Variants in GYG2 observed in about 807,000 individuals in gnomAD.
The protein encoded by GYG2 is glycogenin 2.
In GYG2, 29 loss-of-function variants were observed where a neutral mutation model predicts 29.4. That is an observed-to-expected ratio of 0.99 (90% CI 0.74 to 1.35). The LOEUF (loss-of-function observed/expected upper bound fraction) is 1.35, where lower values mean the gene tolerates loss of function less well. Among genes scored for constraint, GYG2 ranks in the 40% most tolerant of loss-of-function variants. GYG2 has a pLI of 0.00. For missense variants in GYG2, 370 were observed against 385.7 expected, an observed-to-expected ratio of 0.96 and a Z score of 0.34; for synonymous variants, 167 against 172.3, an observed-to-expected ratio of 0.97 and a Z score of 0.24.
Position 2,864,194 on chromosome X carries a change from C to T in GYG2, c.1038+2472C>T, listed in dbSNP as rs944962724. On this transcript the variant is annotated intron_variant, in intron 8 of 10. Transcript: ENST00000398806. ...ATTTTGCCAAGGTTAAGGACACACC[C>T]GTGACACAGCCTCAGGAGGTCCTGA... Among the ~76,000 whole-genome samples, 4 of 112,068 alleles carry T rather than the reference C, an allele frequency of 3.6e-5. No individual in the cohort carries two copies. In the East Asian group the frequency reaches 1.1e-3, roughly 31 times the overall value.
chrX:2,866,999 G>A (rs1331297881), intron 8 of GYG2, among the ~76,000 whole-genome samples: 1 of 110,098 alleles, frequency 9.1e-6, no homozygotes. Flanking sequence ...GAGAATCGCC[G>A]GTTTCCAGGG....
At chrX:2,847,676 G>A (rs2087768571) in intron 3 of GYG2, among the ~76,000 whole-genome samples, 1 of 107,650 alleles carries the variant, frequency 9.3e-6, no homozygotes. Context: ...CTGTGCTCCA[G>A]CCTGGGTGAC....
rs776628504 is a variant in GYG2 at position 2,854,068 on chromosome X, C to T, written c.238C>T (p.Pro80Ser). 1.7e-6 allele frequency: 2 copies of T among 1,200,553 alleles called. No individual in the cohort carries two copies. The highest frequency in any genetic ancestry group is 1.1e-6 in the Non-Finnish European group (1 of 886,794). The change falls in exon 4 of 11, where the codon CCT (proline) becomes TCT (serine). Residue 80 changes from proline (P) to serine (S), a missense_variant. Transcript: ENST00000398806. Reference sequence around the variant, plus strand: ...CATCCACCTGGCCTTTCTGAAGAGACCTGAGCTCGGGCTCACCCTCACCAA... The same window carrying T: ...CATCCACCTGGCCTTTCTGAAGAGATCTGAGCTCGGGCTCACCCTCACCAA... Reference protein sequence around the residue: ...DYIHLAFLKRPELGLTLTKLH... With the variant: ...DYIHLAFLKRSELGLTLTKLH...
intron 3 of GYG2, among the ~76,000 whole-genome samples, chrX:2,847,312 C>T (rs2087756378): frequency 9.0e-6 from 1 of 110,567 alleles, no homozygotes; most frequent in Non-Finnish European, 1.9e-5. Flanking sequence ...TATTTTAAAA[C>T]CTATTAATAT....
chrX:2,868,529 C>G lies in GYG2; in HGVS notation c.1038+6807C>G, dbSNP rs1392863965. The stretch of plus-strand genomic sequence containing the variant: ...TAATTTCATCCTTCGATCTCACCCC[C>G]TATTCTCCCCACCTCTCCATCCTAA... On this transcript the variant is annotated intron_variant, in intron 8 of 10. Transcript: ENST00000398806. 3.6e-5 allele frequency among the ~76,000 whole-genome samples: 4 copies of G among 109,933 alleles called. No individual in the cohort carries two copies. The East Asian group carries it at 8.5e-4, about 23-fold the overall frequency.
At chrX:2,862,203 T>C (rs1236065730) in intron 8 of GYG2, among the ~76,000 whole-genome samples, 2 of 110,807 alleles carry the variant, frequency 1.8e-5, no homozygotes, top group African/African-American at 6.6e-5. Flanking sequence ...GGGAATATGG[T>C]GGCCTCCAGA....
chrX:2,840,657 G>A (rs2087472302), intron 2 of GYG2, among the ~76,000 whole-genome samples: 2 of 111,609 alleles, frequency 1.8e-5, no homozygotes. Context: ...TAGATACATA[G>A]AGGACATATA....
chrX:2,856,857 A>C (rs2088014499), intron 6 of GYG2, among the ~76,000 whole-genome samples: 1 of 108,800 alleles, frequency 9.2e-6, no homozygotes, highest in Admixed American at 1.0e-4. Context: ...ATCTGTATAG[A>C]TAGATACCTA....
chrX:2,862,901 A>AG (rs2088203560), intron 8 of GYG2, among the ~76,000 whole-genome samples: 1 of 108,006 alleles, frequency 9.3e-6, no homozygotes, highest in African/African-American at 3.4e-5. Flanking sequence ...TACAAAAAAA[A>AG]GTCAAGAAAT....
intron 1 of GYG2, among the ~76,000 whole-genome samples, chrX:2,829,580 C>T (rs745435015): frequency 2.3e-3 from 185 of 82,111 alleles, no homozygotes; most frequent in African/African-American, 8.3e-3. Flanking sequence ...AGGGAGGGGG[C>T]ACCTGGCCGG....
chrX:2,830,600 C>G (rs2087242807), intron 2 of GYG2, among the ~76,000 whole-genome samples: 1 of 111,627 alleles, frequency 9.0e-6, no homozygotes, highest in South Asian at 3.7e-4. Context: ...GAACTCAGAC[C>G]ACGGTTTTAA....
chrX:2,870,347 A>T (rs6642054), intron 8 of GYG2, among the ~76,000 whole-genome samples: 209 of 109,882 alleles, frequency 1.9e-3, no homozygotes, highest in Middle Eastern at 4.6e-3. Flanking sequence ...GACTACAGGC[A>T]TCCGCCACTA....
At chrX:2,872,618 G>A (rs977877519) in intron 8 of GYG2, among the ~76,000 whole-genome samples, 4 of 112,294 alleles carry the variant, frequency 3.6e-5, no homozygotes, top group East Asian at 2.8e-4. Context: ...AATCCCTTCC[G>A]AGGAAGGATT....
chrX:2,851,531 C>A (rs1293192393), intron 3 of GYG2, among the ~76,000 whole-genome samples: 1 of 111,769 alleles, frequency 8.9e-6, no homozygotes, highest in East Asian at 2.8e-4. Flanking sequence ...GGCATGAGCC[C>A]CTGTGCCCAG....
intron 2 of GYG2, among the ~76,000 whole-genome samples, chrX:2,831,054 A>G (rs1008938401): frequency 1.8e-5 from 2 of 112,588 alleles, no homozygotes; most frequent in African/African-American, 6.5e-5. Flanking sequence ...GGTTTTGTGG[A>G]CATCAGATAG....
chrX:2,881,729 T>C lies in GYG2; in HGVS notation c.*516T>C, dbSNP rs372818652. 50 of 112,068 alleles carry C rather than the reference T, an allele frequency of 4.5e-4. No individual in the cohort carries two copies. Among genetic ancestry groups the C allele is most frequent in the African/African-American group, 1.6e-3 (49 of 30,852 alleles). The allele number at this position is 112,068 out of a possible 1,213,427, so 9.2% of individuals were successfully genotyped here. Reference sequence around the variant, plus strand: ...TTTAGACGTGGTGACTGACTTTCATTTGGACTTGGCGAAGTGTATCTGAGA... The same window carrying C: ...TTTAGACGTGGTGACTGACTTTCATCTGGACTTGGCGAAGTGTATCTGAGA... On this transcript the variant is annotated 3_prime_UTR_variant, in exon 11 of 11. Transcript: ENST00000398806.
Position 2,846,049 on chromosome X carries a change from ATATATATTTTTTTTTTT to A in GYG2, c.149+2697_149+2713del, listed in dbSNP as rs1569058767. Among the ~76,000 whole-genome samples, 7 of 21,968 alleles carry A rather than the reference ATATATATTTTTTTTTTT, an allele frequency of 3.2e-4. No individual in the cohort carries two copies. The South Asian group carries it at 0.023, about 73-fold the overall frequency. 19.1% of individuals were successfully genotyped at this position (21,968 alleles called of 115,157 possible). A position where few individuals can be genotyped will look rare whatever the true frequency, so the allele number is the denominator to read the frequency against. On this transcript the variant is annotated intron_variant, in intron 3 of 10. Transcript: ENST00000398806. ...CATATATATACACATATATATATAT[ATATATATTTTTTTTTTT>A]TTTTTTTTTTTTTTTTTTGAGACAG...
intron 8 of GYG2, among the ~76,000 whole-genome samples, chrX:2,872,681 A>T (rs916851397): frequency 1.8e-5 from 2 of 112,364 alleles, no homozygotes; most frequent in Non-Finnish European, 3.8e-5. Flanking sequence ...CGTTGGGAGA[A>T]ATTAGATGAC....
chrX:2,858,286 C>T (rs1290193246), intron 6 of GYG2, among the ~76,000 whole-genome samples: 2 of 110,581 alleles, frequency 1.8e-5, no homozygotes, highest in Non-Finnish European at 3.8e-5. Context: ...CATGATGAAA[C>T]CCTGTCTCTA....
Sources: allele counts gnomAD v4.1 joint callset (sites outside exome capture counted in the v4.1 genomes callset), GRCh38; gene constraint gnomAD v4.1.1; transcripts MANE v1.5; gene names NCBI Gene and HGNC (gene_info 2026-07-23, HGNC 2026-07-21).